Variants in SESN3 observed in about 807,000 individuals in gnomAD.
SESN3 encodes the protein sestrin-3.
In SESN3, 21 loss-of-function variants were observed where a neutral mutation model predicts 55.3. The observed-to-expected ratio is 0.38, with a 90% CI of 0.27 to 0.55. The LOEUF (loss-of-function observed/expected upper bound fraction) is 0.55. Ranked by LOEUF, SESN3 falls within the 20% of genes least tolerant of loss-of-function variation. The probability of loss-of-function intolerance (pLI) is 0.76; values close to 1 mark genes in which losing one functional copy is unlikely to be tolerated. For missense variants in SESN3, 408 were observed against 604.3 expected (o/e 0.68, Z 3.41); for synonymous variants, 181 against 203.1 (o/e 0.89, Z 0.93).
intron 9 of SESN3, among the ~76,000 whole-genome samples, chr11:95,174,566 C>A (rs1016759770): frequency 2.6e-5 from 4 of 152,080 alleles, no homozygotes; most frequent in African/African-American, 9.7e-5. Context: ...TCACTGCAAC[C>A]TCTGCCTCCT....
intron 1 of SESN3, among the ~76,000 whole-genome samples, chr11:95,223,382 T>G (rs1860893837): frequency 6.6e-6 from 1 of 152,208 alleles, no homozygotes. Context: ...GGTCCTTCTT[T>G]CCCTTGTAGC....
At position 95,172,212 on chromosome 11, in the gene SESN3, T is replaced by C. The variant is rs1859864539; in HGVS notation, c.*1043A>G. 6.6e-6 allele frequency: 1 copy of C among 152,160 alleles called. No individual in the cohort carries two copies. The highest frequency in any genetic ancestry group is 6.6e-5 in the Admixed American group (1 of 15,266). The allele number at this position is 152,160 out of a possible 1,614,324, so 9.4% of individuals were successfully genotyped here. A position where few individuals can be genotyped will look rare whatever the true frequency, so the allele number is the denominator to read the frequency against. The stretch of plus-strand genomic sequence containing the variant: ...AATGCATAGAAACACAATTTTTACC[T>C]TTGAAAAATAAACTGTCTAACCTAT... On this transcript the variant is annotated 3_prime_UTR_variant, in exon 10 of 10. Transcript: ENST00000536441.
chr11:95,217,577 G>A (rs895069542), intron 1 of SESN3, among the ~76,000 whole-genome samples: 2 of 151,710 alleles, frequency 1.3e-5, no homozygotes, highest in Non-Finnish European at 2.9e-5. Context: ...GCTTGAACCC[G>A]GGAGGTGGAG....
chr11:95,197,448 T>TC (rs1327456328), intron 1 of SESN3, among the ~76,000 whole-genome samples: 8 of 148,952 alleles, frequency 5.4e-5, no homozygotes, highest in Non-Finnish European at 1.0e-4. Context: ...TTCTTTTCTT[T>TC]TTTTTTTTTT....
Position 95,230,235 on chromosome 11 carries a change from C to G in SESN3, c.78+548G>C, listed in dbSNP as rs1315459019. ...GATGCTTTACTGGTTCCTTTCGAGA[C>G]TGAACTACAGACACAGGACTACCAT... On this transcript the variant is annotated intron_variant, in intron 1 of 9. Coordinates refer to ENST00000536441, the MANE Select transcript of SESN3 (RefSeq NM_144665.4). The surrounding 1 kb of genome is among the most constrained non-coding windows in gnomAD (Gnocchi z 4.6). The G allele has an allele frequency of 6.5e-6, 1 of 152,862 alleles. No homozygotes were observed. The highest frequency in any genetic ancestry group is 1.5e-5 in the Non-Finnish European group (1 of 68,412). 9.5% of individuals were successfully genotyped at this position (152,862 alleles called of 1,614,324 possible). A position where few individuals can be genotyped will look rare whatever the true frequency, so the allele number is the denominator to read the frequency against.
intron 8 of SESN3, 33 bp from the exon 9 acceptor site, chr11:95,175,675 CA>C (rs1197878551): frequency 6.4e-7 from 1 of 1,555,158 alleles, no homozygotes; most frequent in South Asian, 1.1e-5. Flanking sequence ...TTTATAATGA[CA>C]AAATCAAAAT....
chr11:95,200,197 G>A (rs1860436399), intron 1 of SESN3, among the ~76,000 whole-genome samples: 1 of 152,014 alleles, frequency 6.6e-6, no homozygotes, highest in Non-Finnish European at 1.5e-5. Flanking sequence ...GCAGCTCTAT[G>A]CTATGAAATA....
In SESN3 at chr11:95,184,443, G is replaced by A. The variant is rs1328329870; in HGVS notation, c.914C>T (p.Thr305Ile). Residue 305 changes from threonine (T) to isoleucine (I), a missense_variant, in exon 6 of 10, where the codon ACT becomes ATT. Coordinates refer to ENST00000536441, the MANE Select transcript of SESN3 (RefSeq NM_144665.4). Reference protein sequence around the residue: ...KESLFVVSGDTFHSFPHSDFE... With the variant: ...KESLFVVSGDIFHSFPHSDFE... ...ACCTGAATGAGGAAATGAATGAAAA[G>A]TATCTCCAGAGACCACAAAAAGACT... The A allele has an allele frequency of 6.2e-7, 1 of 1,613,456 alleles. No individual in the cohort carries two copies. Among genetic ancestry groups the A allele is most frequent in the South Asian group, 1.1e-5 (1 of 91,060 alleles).
At chr11:95,220,506 G>A (rs11021084) in intron 1 of SESN3, among the ~76,000 whole-genome samples, 42,263 of 151,946 alleles carry the variant, frequency 0.28, 6,346 homozygotes, top group Non-Finnish European at 0.33. Context: ...AGATAAAAGA[G>A]ATAACTATAT....
At chr11:95,225,384 C>A (rs2134271704) in intron 1 of SESN3, among the ~76,000 whole-genome samples, 1 of 152,292 alleles carries the variant, frequency 6.6e-6, no homozygotes, top group Middle Eastern at 3.4e-3. Context: ...TTACTCTTCT[C>A]CTACTCCTTC....
chr11:95,181,803 A>C (rs1046524491), intron 6 of SESN3, among the ~76,000 whole-genome samples: 1 of 152,076 alleles, frequency 6.6e-6, no homozygotes, highest in Non-Finnish European at 1.5e-5. Context: ...ACCAAAAAAA[A>C]CCCTTTTTAT....
chr11:95,227,193 T>G (rs1246372435), intron 1 of SESN3, among the ~76,000 whole-genome samples: 2 of 152,090 alleles, frequency 1.3e-5, no homozygotes, highest in Non-Finnish European at 2.9e-5. Flanking sequence ...TTTTTTTTTT[T>G]TGTCTTTTTT....
chr11:95,184,614 T>C lies in SESN3; in HGVS notation c.763-20A>G, dbSNP rs576227856. The stretch of plus-strand genomic sequence containing the variant: ...CACAATCTGGAAACAGATAAGATAA[T>C]GTTGGGTGCTATTCATACTAAAAGT... On this transcript the variant is annotated intron_variant, in intron 5 of 9. Coordinates refer to ENST00000536441, the MANE Select transcript of SESN3 (RefSeq NM_144665.4). 52 of 1,606,670 alleles carry C rather than the reference T, an allele frequency of 3.2e-5. No individual in the cohort carries two copies. The South Asian group carries it at 5.5e-4, about 17-fold the overall frequency.
At chr11:95,175,463 GTC>G in intron 9 of SESN3, 33 bp downstream of exon 9, 2 of 1,570,220 alleles carry the variant, frequency 1.3e-6, no homozygotes, top group Non-Finnish European at 1.7e-6. Flanking sequence ...CTGAAGAACT[GTC>G]TATGGTATAA....
chr11:95,203,073 A>G (rs1860487704), intron 1 of SESN3, among the ~76,000 whole-genome samples: 1 of 152,090 alleles, frequency 6.6e-6, no homozygotes, highest in African/African-American at 2.4e-5. Flanking sequence ...CTGTGAATGT[A>G]GTTATCTTGG....
intron 1 of SESN3, among the ~76,000 whole-genome samples, chr11:95,229,933 T>A (rs756897878): frequency 2.6e-5 from 4 of 152,138 alleles, no homozygotes; most frequent in Non-Finnish European, 5.9e-5. Context: ...GATCAAAAAG[T>A]CTAGAGACCT....
At chr11:95,204,790 TTGGTTTTTGTTATAGCAGCCTGCA>T (rs1860518158) in intron 1 of SESN3, 2 of 152,320 alleles carry the variant, frequency 1.3e-5, no homozygotes, top group South Asian at 4.1e-4. Context: ...CACCCAGTCT[TTGGTTTTTGTTATAGCAGCCTGCA>T]TGGACTAAGA....
At chr11:95,223,622 TAGAC>T (rs567232017) in intron 1 of SESN3, among the ~76,000 whole-genome samples, 95 of 152,304 alleles carry the variant, frequency 6.2e-4, no homozygotes, top group African/African-American at 2.2e-3. Flanking sequence ...GAAAAGGTGG[TAGAC>T]AGCATCTGCA....
intron 1 of SESN3, among the ~76,000 whole-genome samples, chr11:95,212,712 T>C (rs1250562939): frequency 6.6e-6 from 1 of 152,136 alleles, no homozygotes; most frequent in African/African-American, 2.4e-5. Flanking sequence ...CATAAAAAAA[T>C]ATGCTATAGA....
Sources: allele counts gnomAD v4.1 joint callset (sites outside exome capture counted in the v4.1 genomes callset), GRCh38; gene constraint gnomAD v4.1.1; non-coding constraint Gnocchi (gnomAD v3.1); transcripts MANE v1.5; gene names NCBI Gene and HGNC (gene_info 2026-07-23, HGNC 2026-07-21).